FOXN3: variants seen among roughly 807,000 people sequenced by gnomAD.
FOXN3 encodes the protein forkhead box protein N3.
Under a neutral mutation model 38.4 loss-of-function variants are expected in FOXN3, and 7 were observed. That is an observed-to-expected ratio of 0.18 (90% CI 0.10 to 0.34). The LOEUF is 0.34. Among genes scored for constraint, FOXN3 ranks in the 10% least tolerant of loss-of-function variants. The pLI is 1.00. For missense variants in FOXN3, 456 were observed against 613.4 expected (o/e 0.74, Z 2.71); for synonymous variants, 230 against 242.2 (o/e 0.95, Z 0.47).
chr14:89,437,024 G>A (rs760965183), intron 1 of FOXN3, among the ~76,000 whole-genome samples: 3 of 152,138 alleles, frequency 2.0e-5, no homozygotes, highest in Non-Finnish European at 2.9e-5. Context: ...GCAGACACCT[G>A]TAATCCCAGC....
intron 1 of FOXN3, among the ~76,000 whole-genome samples, chr14:89,566,335 G>A (rs746048223): frequency 6.6e-6 from 1 of 151,708 alleles, no homozygotes; most frequent in Non-Finnish European, 1.5e-5. Flanking sequence ...CTAATGTTTT[G>A]GTATAAAACT....
At chr14:89,342,315 CT>C (rs1416017402) in intron 3 of FOXN3, among the ~76,000 whole-genome samples, 2 of 152,166 alleles carry the variant, frequency 1.3e-5, no homozygotes, top group Admixed American at 6.5e-5. Flanking sequence ...TGAGCTACCC[CT>C]GATACAAAGT....
chr14:89,230,207 G>A (rs1184885076), intron 4 of FOXN3, among the ~76,000 whole-genome samples: 1 of 152,202 alleles, frequency 6.6e-6, no homozygotes, highest in Admixed American at 6.5e-5. Flanking sequence ...ATCCCTCTAT[G>A]GAGGGATAAC....
chr14:89,508,301 A>T (rs1399706319), intron 1 of FOXN3, among the ~76,000 whole-genome samples: 1 of 152,206 alleles, frequency 6.6e-6, no homozygotes, highest in African/African-American at 2.4e-5. Context: ...GAGGAGTGGC[A>T]TTATGTGCAC....
intron 4 of FOXN3, among the ~76,000 whole-genome samples, chr14:89,214,683 G>A (rs964764297): frequency 8.5e-5 from 13 of 152,210 alleles, no homozygotes; most frequent in African/African-American, 3.1e-4. Flanking sequence ...CACTGGCATC[G>A]ACCCTGGAAG....
At chr14:89,474,295 G>A (rs1018887577) in intron 1 of FOXN3, among the ~76,000 whole-genome samples, 2 of 152,110 alleles carry the variant, frequency 1.3e-5, no homozygotes, top group African/African-American at 4.8e-5. Flanking sequence ...AAATAAACAG[G>A]GGGAAAAAGA....
At chr14:89,393,289 C>T (rs952118574) in intron 2 of FOXN3, among the ~76,000 whole-genome samples, 2 of 152,196 alleles carry the variant, frequency 1.3e-5, no homozygotes, top group African/African-American at 4.8e-5. Flanking sequence ...TTACAAACCA[C>T]CCTGATCCAG....
chr14:89,344,920 C>T (rs1165256213), intron 3 of FOXN3, among the ~76,000 whole-genome samples: 1 of 152,158 alleles, frequency 6.6e-6, no homozygotes, highest in Non-Finnish European at 1.5e-5. Context: ...ATTAGAACAG[C>T]TCAGTGGACT....
Position 89,157,212 on chromosome 14 carries a change from C to G in FOXN3, c.*5202G>C, listed in dbSNP as rs1165171552. On this transcript the variant is annotated 3_prime_UTR_variant, in exon 6 of 6. Coordinates refer to ENST00000557258, the MANE Select transcript of FOXN3 (RefSeq NM_005197.4). ...CACACGTCTGATTTCAGAAGTACAA[C>G]AGCAAGGTGCAGCACCATAGACACA... is the stretch of plus-strand genomic sequence containing the variant. 2 of 152,622 alleles carry G rather than the reference C, an allele frequency of 1.3e-5. No individual in the cohort carries two copies. Among genetic ancestry groups the G allele is most frequent in the African/African-American group, 4.8e-5 (2 of 41,460 alleles). The allele number at this position is 152,622 out of a possible 1,614,324, so 9.5% of individuals were successfully genotyped here. A position where few individuals can be genotyped will look rare whatever the true frequency, so the allele number is the denominator to read the frequency against.
At chr14:89,235,454 A>G (rs116902600) in intron 4 of FOXN3, among the ~76,000 whole-genome samples, 1 of 152,292 alleles carries the variant, frequency 6.6e-6, no homozygotes, top group East Asian at 1.9e-4. Context: ...GGAGGTTTCC[A>G]AAAAAGAGGA....
At chr14:89,544,183 AG>A (rs1446969786) in intron 1 of FOXN3, among the ~76,000 whole-genome samples, 3 of 152,010 alleles carry the variant, frequency 2.0e-5, no homozygotes, top group Non-Finnish European at 4.4e-5. Context: ...CTGGGACTAC[AG>A]GTGCCTGCTA....
chr14:89,212,277 G>T (rs138437020), intron 4 of FOXN3, among the ~76,000 whole-genome samples: 24 of 152,378 alleles, frequency 1.6e-4, no homozygotes, highest in African/African-American at 5.3e-4. Context: ...AGGATCGTGT[G>T]TTGGGGGCAC....
intron 1 of FOXN3, among the ~76,000 whole-genome samples, chr14:89,452,114 C>T (rs765939065): frequency 6.6e-6 from 1 of 152,126 alleles, no homozygotes; most frequent in Non-Finnish European, 1.5e-5. Flanking sequence ...ATGACTGATA[C>T]CAGGGTCATG....
Position 89,162,291 on chromosome 14 carries a change from G to C in FOXN3, c.*123C>G. The C allele has an allele frequency of 3.7e-6, 3 of 809,202 alleles. No homozygotes were observed. Among genetic ancestry groups the C allele is most frequent in the Non-Finnish European group, 5.5e-6 (3 of 543,180 alleles). The allele number at this position is 809,202 out of a possible 1,614,324, so 50.1% of individuals were successfully genotyped here. Reference sequence around the variant, plus strand: ...CAAAATAAAAGGAAAAGAAAAGAAAGAAAACCAAACCAAAAACAAGAAAAA... The same window carrying C: ...CAAAATAAAAGGAAAAGAAAAGAAACAAAACCAAACCAAAAACAAGAAAAA... On this transcript the variant is annotated 3_prime_UTR_variant, in exon 6 of 6. Coordinates refer to ENST00000557258, the MANE Select transcript of FOXN3 (RefSeq NM_005197.4). This position sits in a 1 kb window ranked among gnomAD's most constrained non-coding sequence, Gnocchi z 7.2.
intron 3 of FOXN3, chr14:89,291,681 T>C (rs1251869467): frequency 1.2e-5 from 5 of 402,024 alleles, no homozygotes; most frequent in Admixed American, 3.3e-5. Context: ...CCTTATTGTG[T>C]TGTTTTAAAT....
intron 1 of FOXN3, among the ~76,000 whole-genome samples, chr14:89,613,032 G>C (rs1307079359): frequency 4.9e-5 from 7 of 144,132 alleles, no homozygotes; most frequent in Admixed American, 1.4e-4. Context: ...CAGGAGAATT[G>C]CTTGAACCCA....
At chr14:89,522,355 A>C (rs1894338211) in intron 1 of FOXN3, among the ~76,000 whole-genome samples, 1 of 152,230 alleles carries the variant, frequency 6.6e-6, no homozygotes, top group Non-Finnish European at 1.5e-5. Flanking sequence ...CTGCACTATA[A>C]GAAATGTTAG....
chr14:89,365,177 C>T (rs1431991811), intron 2 of FOXN3, among the ~76,000 whole-genome samples: 1 of 152,156 alleles, frequency 6.6e-6, no homozygotes, highest in African/African-American at 2.4e-5. Context: ...CTCCTTCTCC[C>T]CACCACACGT....
Position 89,161,596 on chromosome 14 carries a change from T to TGTGTGTGTGTGTGTGTGTGCGC in FOXN3, c.*817_*818insGCGCACACACACACACACACAC. On this transcript the variant is annotated 3_prime_UTR_variant, in exon 6 of 6. Coordinates refer to ENST00000557258, the MANE Select transcript of FOXN3 (RefSeq NM_005197.4). Reference sequence around the variant, plus strand: ...GTGTGTGTGTGTGTGTGTGTGTGTGTGCGTGCGTGCACAGGGCCAATCTTC... The same window carrying TGTGTGTGTGTGTGTGTGTGCGC: ...GTGTGTGTGTGTGTGTGTGTGTGTGTGTGTGTGTGTGTGTGTGTGCGCGCGTGCGTGCACAGGGCCAATCTTC... 7.3e-6 allele frequency: 1 copy of TGTGTGTGTGTGTGTGTGTGCGC among 136,624 alleles called. No individual in the cohort carries two copies. Among genetic ancestry groups the TGTGTGTGTGTGTGTGTGTGCGC allele is most frequent in the South Asian group, 2.6e-4 (1 of 3,906 alleles). 8.5% of individuals were successfully genotyped at this position (136,624 alleles called of 1,614,324 possible). A position where few individuals can be genotyped will look rare whatever the true frequency, so the allele number is the denominator to read the frequency against.
Sources: gnomAD v4.1 joint callset for allele counts (sites outside exome capture counted in the v4.1 genomes callset) on GRCh38, gnomAD v4.1.1 for gene constraint, Gnocchi (gnomAD v3.1) non-coding constraint, MANE v1.5 for transcripts, NCBI Gene and HGNC (gene_info 2026-07-23, HGNC 2026-07-21) for gene names.